Variants in PRKD1 observed in about 807,000 individuals in gnomAD.
PRKD1 encodes the protein protein kinase D1, also known as serine/threonine-protein kinase D1.
PRKD1 carries 63 observed loss-of-function variants against 95.9 expected under a neutral mutation model. The ratio of observed to expected loss-of-function variants is 0.66; its 90% CI spans 0.54 to 0.81. The LOEUF (loss-of-function observed/expected upper bound fraction) is 0.81. Among genes scored for constraint, PRKD1 ranks in the 30% least tolerant of loss-of-function variants. PRKD1 has a pLI of 0.00. For synonymous variants in PRKD1, 425 were observed against 423.1 expected (o/e 1.00, Z -0.05); for missense variants, 1,048 against 1,165.3 (o/e 0.90, Z 1.47).
At chr14:29,744,767 G>A (rs1464067639) in intron 1 of PRKD1, among the ~76,000 whole-genome samples, 1 of 152,096 alleles carries the variant, frequency 6.6e-6, no homozygotes, top group Non-Finnish European at 1.5e-5. Flanking sequence ...AGCTGGTCTT[G>A]AATTCCTAGC....
intron 1 of PRKD1, among the ~76,000 whole-genome samples, chr14:29,854,491 C>T (rs1411748665): frequency 6.6e-6 from 1 of 152,176 alleles, no homozygotes; most frequent in Non-Finnish European, 1.5e-5. Flanking sequence ...AGCAGCAAAG[C>T]ATTCAAGAGG....
At chr14:29,676,192 T>TTTTTTTTTTTTTTTTTTTTTTTTTTTTTG (rs1566532348) in intron 2 of PRKD1, among the ~76,000 whole-genome samples, 1 of 128,522 alleles carries the variant, frequency 7.8e-6, no homozygotes, top group African/African-American at 3.1e-5. Flanking sequence ...TGTTTTTTTT[T>TTTTTTTTTTTTTTTTTTTTTTTTTTTTTG]TTTTTTTTTT....
intron 1 of PRKD1, among the ~76,000 whole-genome samples, chr14:29,809,167 G>T (rs943379718): frequency 2.6e-5 from 4 of 152,190 alleles, no homozygotes; most frequent in African/African-American, 9.6e-5. Context: ...AGTCTTAACC[G>T]TGGCTTAAAA....
At position 29,747,593 on chromosome 14, in the gene PRKD1, C is replaced by T. The variant is rs548502338; in HGVS notation, c.265-21919G>A. 5.9e-5 allele frequency among the ~76,000 whole-genome samples: 9 copies of T among 152,176 alleles called. No individual in the cohort carries two copies. In the South Asian group the frequency reaches 6.2e-4, roughly 11 times the overall value. On this transcript the variant is annotated intron_variant, in intron 1 of 17. Transcript: ENST00000331968. ...ATGGATAAGTAAATTATGGTATATACATACAACGTAATATTATTCAGCTAT... is the reference window on the plus strand; with the variant it reads ...ATGGATAAGTAAATTATGGTATATATATACAACGTAATATTATTCAGCTAT...
chr14:29,684,426 T>C (rs1343759861), intron 2 of PRKD1, among the ~76,000 whole-genome samples: 2 of 152,224 alleles, frequency 1.3e-5, no homozygotes, highest in African/African-American at 4.8e-5. Context: ...TTTGTACCAG[T>C]AATTTAAGTC....
chr14:29,822,280 C>T (rs1055633415), intron 1 of PRKD1, among the ~76,000 whole-genome samples: 6 of 152,160 alleles, frequency 3.9e-5, no homozygotes, highest in East Asian at 1.9e-4. Context: ...AAACAAATTA[C>T]GCAGAACGAT....
chr14:29,854,553 A>C (rs2139345378), intron 1 of PRKD1, among the ~76,000 whole-genome samples: 1 of 152,352 alleles, frequency 6.6e-6, no homozygotes, highest in South Asian at 2.1e-4. Context: ...GCAGAGCATA[A>C]AAATTCAGAA....
intron 2 of PRKD1, among the ~76,000 whole-genome samples, chr14:29,688,802 G>A (rs755959020): frequency 1.9e-4 from 29 of 151,534 alleles, no homozygotes; most frequent in Non-Finnish European, 2.7e-4. Context: ...GCGTGGCAGC[G>A]TGCACCTGTA....
At chr14:29,685,786 G>A (rs1381130065) in intron 2 of PRKD1, among the ~76,000 whole-genome samples, 2 of 151,900 alleles carry the variant, frequency 1.3e-5, no homozygotes, top group African/African-American at 2.4e-5. Flanking sequence ...TACTGGACCA[G>A]CTAACTATAA....
intron 12 of PRKD1, 145 bp downstream of exon 12, chr14:29,626,339 T>G (rs987031660): frequency 3.0e-6 from 2 of 668,404 alleles, no homozygotes; most frequent in African/African-American, 1.9e-5. Context: ...AAAAAAATTT[T>G]TTAAACGCAG....
chr14:29,631,247 T>C (rs1458593831), intron 9 of PRKD1, among the ~76,000 whole-genome samples: 3 of 152,204 alleles, frequency 2.0e-5, no homozygotes, highest in Admixed American at 2.0e-4. Context: ...TTTTATGCTA[T>C]GTTCATGTGG....
intron 13 of PRKD1, among the ~76,000 whole-genome samples, chr14:29,607,344 A>G (rs777983399): frequency 6.6e-6 from 1 of 152,158 alleles, no homozygotes; most frequent in Non-Finnish European, 1.5e-5. Flanking sequence ...CAACAAATGT[A>G]TTATCTCACA....
intron 1 of PRKD1, among the ~76,000 whole-genome samples, chr14:29,874,133 T>A (rs2139383138): frequency 6.6e-6 from 1 of 152,310 alleles, no homozygotes; most frequent in East Asian, 1.9e-4. Flanking sequence ...GAGTTTTTCA[T>A]AATCTCAGCT....
rs962903926 is a variant in PRKD1, at chr14:29,596,956, T to C, written c.2434+535A>G. ...CTAAAGAAATCATCAGAGATATATA[T>C]AGGAATGATACATCAGGATGTTCTA... On this transcript the variant is annotated intron_variant, in intron 16 of 17. Transcript: ENST00000331968. 3.1e-4 allele frequency among the ~76,000 whole-genome samples: 47 copies of C among 152,194 alleles called. 1 individual carries two copies. The highest frequency in any genetic ancestry group is 1.9e-4 in the East Asian group (1 of 5,174).
chr14:29,598,965 G>T, intron 15 of PRKD1, 62 bp downstream of exon 15: 1 of 1,322,718 alleles, frequency 7.6e-7, no homozygotes, highest in Non-Finnish European at 1.1e-6. Context: ...GTGACAAGAT[G>T]CTACATGGAA....
At chr14:29,584,266 G>A (rs1892842033) in intron 16 of PRKD1, among the ~76,000 whole-genome samples, 1 of 152,166 alleles carries the variant, frequency 6.6e-6, no homozygotes, top group Admixed American at 6.5e-5. Context: ...AATACCAAGT[G>A]TGTAGATACA....
Position 29,599,785 on chromosome 14 carries a change from C to G in PRKD1, c.1938G>C (p.Glu646Asp). 1 of 1,612,668 alleles carries G rather than the reference C, an allele frequency of 6.2e-7. No homozygotes were observed. Among genetic ancestry groups the G allele is most frequent in the Non-Finnish European group, 8.5e-7 (1 of 1,179,524 alleles). Residue 646 changes from glutamate to aspartate, a missense_variant, in exon 14 of 18, where the codon GAG (glutamate) becomes GAC (aspartate). Glu to Asp is a conservative substitution (Grantham distance 45). Coordinates refer to ENST00000331968, the MANE Select transcript of PRKD1 (RefSeq NM_002742.3). ...CTCTTTCAGGCGTCTCAAACATACA[C>G]TCCAAATTTACAACACCAGGGTGAT... ...NLHHPGVVNL[E>D]CMFETPERVF...
intron 1 of PRKD1, among the ~76,000 whole-genome samples, chr14:29,753,872 C>A (rs1841212615): frequency 6.6e-6 from 1 of 152,098 alleles, no homozygotes; most frequent in Non-Finnish European, 1.5e-5. Flanking sequence ...TAACTTGCTG[C>A]CCAAACAATG....
At chr14:29,760,707 G>T (rs970614587) in intron 1 of PRKD1, among the ~76,000 whole-genome samples, 1 of 152,014 alleles carries the variant, frequency 6.6e-6, no homozygotes, top group African/African-American at 2.4e-5. Context: ...ATTATTTCTG[G>T]ATTACTACAC....
Sources: gnomAD v4.1 joint callset for allele counts (sites outside exome capture counted in the v4.1 genomes callset) on GRCh38, gnomAD v4.1.1 for gene constraint, MANE v1.5 for transcripts, NCBI Gene and HGNC (gene_info 2026-07-23, HGNC 2026-07-21) for gene names.